UNC5D: variants seen among roughly 807,000 people sequenced by gnomAD.
UNC5D encodes netrin receptor UNC5D.
A neutral mutation model predicts 105.4 loss-of-function variants in UNC5D; 39 were observed. The observed-to-expected ratio is 0.37, with a 90% CI of 0.29 to 0.48. The LOEUF (loss-of-function observed/expected upper bound fraction) is 0.48. UNC5D is among the 20% of genes least tolerant of loss of function. The probability of loss-of-function intolerance (pLI) is 0.98; values close to 1 mark genes in which losing one functional copy is unlikely to be tolerated. For synonymous variants in UNC5D, 452 were observed against 450.4 expected (o/e 1.00, Z -0.04); for missense variants, 991 against 1,202.4 (o/e 0.82, Z 2.60).
chr8:35,300,079 G>C (rs74935759), intron 1 of UNC5D, among the ~76,000 whole-genome samples: 1,798 of 152,168 alleles, frequency 0.012, 38 homozygotes, highest in African/African-American at 0.042. Flanking sequence ...GGAAGGAGTA[G>C]AAGGAAGAGG....
chr8:35,675,907 A>G (rs954842148), intron 4 of UNC5D, among the ~76,000 whole-genome samples: 31 of 151,708 alleles, frequency 2.0e-4, no homozygotes, highest in African/African-American at 7.0e-4. Flanking sequence ...AGGTTTATGT[A>G]TATACATACT....
At chr8:35,777,846 G>A (rs1802326516) in intron 16 of UNC5D, among the ~76,000 whole-genome samples, 2 of 152,286 alleles carry the variant, frequency 1.3e-5, no homozygotes, top group East Asian at 3.9e-4. Context: ...TAAAGTGAAG[G>A]AAGAAGGGAG....
chr8:35,535,990 A>G (rs77992063), intron 1 of UNC5D, among the ~76,000 whole-genome samples: 2,225 of 152,308 alleles, frequency 0.015, 22 homozygotes, highest in South Asian at 0.035. Context: ...ACACAGCTAA[A>G]TAGTAAGAAA....
intron 1 of UNC5D, among the ~76,000 whole-genome samples, chr8:35,370,351 T>A (rs1428098229): frequency 6.6e-6 from 1 of 152,234 alleles, no homozygotes; most frequent in Non-Finnish European, 1.5e-5. Flanking sequence ...GTTGGATCTG[T>A]TGAATACCTT....
chr8:35,305,577 TTTTC>T (rs1179890296), intron 1 of UNC5D, among the ~76,000 whole-genome samples: 63 of 54,026 alleles, frequency 1.2e-3, no homozygotes, highest in African/African-American at 3.7e-3. Flanking sequence ...CTTTCTTTCT[TTTTC>T]TTTCTTTCTT....
At chr8:35,481,254 G>A (rs184461554) in intron 1 of UNC5D, among the ~76,000 whole-genome samples, 43 of 152,292 alleles carry the variant, frequency 2.8e-4, no homozygotes, top group African/African-American at 9.4e-4. Context: ...GAGAGCAGAA[G>A]GCAGAGTTGT....
intron 1 of UNC5D, among the ~76,000 whole-genome samples, chr8:35,265,137 T>C (rs1002382071): frequency 6.6e-6 from 1 of 152,196 alleles, no homozygotes; most frequent in African/African-American, 2.4e-5. Flanking sequence ...CAAATCACTT[T>C]AAAGTGACCT....
intron 1 of UNC5D, among the ~76,000 whole-genome samples, chr8:35,326,427 T>C (rs1810164234): frequency 6.6e-6 from 1 of 152,132 alleles, no homozygotes; most frequent in South Asian, 2.1e-4. Context: ...AGCCGAAAAT[T>C]CACCAGAATC....
At chr8:35,570,044 TC>T (rs1370358440) in intron 3 of UNC5D, among the ~76,000 whole-genome samples, 3 of 152,228 alleles carry the variant, frequency 2.0e-5, no homozygotes, top group Admixed American at 6.5e-5. Flanking sequence ...GCTGGAAACT[TC>T]CAGGGGTTTT....
At position 35,467,836 on chromosome 8, in the gene UNC5D, G is replaced by A. The variant is rs144777928; in HGVS notation, c.104-81456G>A. 4.2e-3 allele frequency among the ~76,000 whole-genome samples: 632 copies of A among 152,192 alleles called. 8 individuals are homozygous for A. Among genetic ancestry groups the A allele is most frequent in the African/African-American group, 0.014 (592 of 41,542 alleles). On this transcript the variant is annotated intron_variant, in intron 1 of 16. Coordinates refer to ENST00000404895, the MANE Select transcript of UNC5D (RefSeq NM_080872.4). ...GTGTTTCTGATAACGAAAAGCTTTC[G>A]CCAAATGGCTAGATGATCACTTTTT... is the stretch of plus-strand genomic sequence containing the variant.
chr8:35,558,064 T>G (rs944975768), intron 2 of UNC5D, among the ~76,000 whole-genome samples: 1 of 146,714 alleles, frequency 6.8e-6, no homozygotes, highest in Non-Finnish European at 1.5e-5. Context: ...AGGTGGAGGT[T>G]GCAGTGAGCC....
chr8:35,376,632 C>A (rs1802713510), intron 1 of UNC5D, among the ~76,000 whole-genome samples: 1 of 152,304 alleles, frequency 6.6e-6, no homozygotes, highest in African/African-American at 2.4e-5. Flanking sequence ...GTCCTAAAAA[C>A]CCATGATTCC....
At chr8:35,657,835 A>G (rs915287565) in intron 4 of UNC5D, among the ~76,000 whole-genome samples, 27 of 152,316 alleles carry the variant, frequency 1.8e-4, no homozygotes, top group Middle Eastern at 3.4e-3. Context: ...ATATCTATAC[A>G]TTTGACATCT....
intron 1 of UNC5D, among the ~76,000 whole-genome samples, chr8:35,502,804 A>T (rs916837071): frequency 4.0e-5 from 6 of 151,562 alleles, no homozygotes; most frequent in Non-Finnish European, 7.4e-5. Flanking sequence ...TGACCTCGTG[A>T]TCTGCCCACC....
intron 3 of UNC5D, 106 bp downstream of exon 3, chr8:35,568,347 A>G: frequency 7.0e-7 from 1 of 1,425,810 alleles, no homozygotes; most frequent in Non-Finnish European, 9.4e-7. Context: ...AATGTAAATG[A>G]GAGGTCTTAA....
At chr8:35,688,704 A>G (rs986476843) in intron 7 of UNC5D, among the ~76,000 whole-genome samples, 1 of 152,236 alleles carries the variant, frequency 6.6e-6, no homozygotes, top group Non-Finnish European at 1.5e-5. Flanking sequence ...ATTTAAAGAA[A>G]TGTGCTTCTC....
At chr8:35,754,359 A>T (rs1317397983) in intron 13 of UNC5D, among the ~76,000 whole-genome samples, 1 of 152,212 alleles carries the variant, frequency 6.6e-6, no homozygotes, top group Non-Finnish European at 1.5e-5. Context: ...CAATGTGAAC[A>T]TGGTTGTTAC....
intron 8 of UNC5D, chr8:35,721,411 T>C (rs1411903321): frequency 2.8e-6 from 2 of 702,878 alleles, no homozygotes; most frequent in Non-Finnish European, 5.2e-6. Flanking sequence ...CATTCTAAAT[T>C]CAAACTAACG....
chr8:35,519,673 A>G (rs1401040030), intron 1 of UNC5D, among the ~76,000 whole-genome samples: 1 of 152,168 alleles, frequency 6.6e-6, no homozygotes, highest in Non-Finnish European at 1.5e-5. Context: ...TAAGTAAATC[A>G]CGATATTTTC....
Sources: gnomAD v4.1 joint callset for allele counts (sites outside exome capture counted in the v4.1 genomes callset) on GRCh38, gnomAD v4.1.1 for gene constraint, MANE v1.5 for transcripts, NCBI Gene and HGNC (gene_info 2026-07-23, HGNC 2026-07-21) for gene names.